DSCAML1: variants seen among roughly 807,000 people sequenced by gnomAD.
DSCAML1 encodes DS cell adhesion molecule like 1.
A neutral mutation model predicts 200.5 loss-of-function variants in DSCAML1; 38 were observed. That is an observed-to-expected ratio of 0.19 (90% CI 0.15 to 0.25). The LOEUF is 0.25. Ranked by LOEUF, DSCAML1 falls within the 10% of genes least tolerant of loss-of-function variation. DSCAML1 has a pLI of 1.00. For synonymous variants in DSCAML1, 1,215 were observed against 1,165.0 expected, an observed-to-expected ratio of 1.04 and a Z score of -0.87; for missense variants, 2,223 against 2,858.8, an observed-to-expected ratio of 0.78 and a Z score of 5.07.
chr11:117,741,064 TTATTTA>T (rs1258784698), intron 3 of DSCAML1, among the ~76,000 whole-genome samples: 3 of 152,390 alleles, frequency 2.0e-5, no homozygotes, highest in East Asian at 3.9e-4. Flanking sequence ...CTTTGTTTTC[TTATTTA>T]TAAATATCCC....
intron 8 of DSCAML1, among the ~76,000 whole-genome samples, chr11:117,515,223 C>G (rs956480919): frequency 6.6e-6 from 1 of 152,190 alleles, no homozygotes; most frequent in African/African-American, 2.4e-5. Context: ...TGGCTCTTCA[C>G]GAAGAGACAT....
intron 11 of DSCAML1, among the ~76,000 whole-genome samples, chr11:117,492,097 G>A (rs533052707): frequency 2.6e-4 from 39 of 152,220 alleles, no homozygotes; most frequent in African/African-American, 8.9e-4. Context: ...TCCATGGTGG[G>A]CCTGGCCGCC....
At chr11:117,607,265 A>C (rs1018878975) in intron 3 of DSCAML1, among the ~76,000 whole-genome samples, 1 of 152,198 alleles carries the variant, frequency 6.6e-6, no homozygotes, top group Admixed American at 6.5e-5. Context: ...TGGGCTGGAC[A>C]TGCTTGACAG....
chr11:117,540,157 G>T (rs960861703), intron 3 of DSCAML1, among the ~76,000 whole-genome samples: 5 of 152,186 alleles, frequency 3.3e-5, no homozygotes, highest in Admixed American at 3.3e-4. Context: ...TTAATGCAGG[G>T]GTTCCCAACC....
intron 1 of DSCAML1, among the ~76,000 whole-genome samples, chr11:117,792,830 C>T (rs1047958134): frequency 2.0e-5 from 3 of 152,196 alleles, no homozygotes; most frequent in African/African-American, 7.2e-5. Flanking sequence ...GTTTGGTCTA[C>T]CTTACGGTGT....
intron 3 of DSCAML1, among the ~76,000 whole-genome samples, chr11:117,693,428 C>A (rs1178777009): frequency 6.6e-6 from 1 of 152,196 alleles, no homozygotes; most frequent in Non-Finnish European, 1.5e-5. Context: ...GAAAAACATG[C>A]CTTCTGGGTT....
chr11:117,779,100 G>T (rs942272468), intron 2 of DSCAML1, among the ~76,000 whole-genome samples: 6 of 152,186 alleles, frequency 3.9e-5, no homozygotes, highest in African/African-American at 1.4e-4. Context: ...CCACATGCTG[G>T]TTGGGAGGCC....
chr11:117,494,445 T>G (rs1184187526), intron 11 of DSCAML1, among the ~76,000 whole-genome samples: 1 of 152,158 alleles, frequency 6.6e-6, no homozygotes, highest in Non-Finnish European at 1.5e-5. Flanking sequence ...AGACTTGACC[T>G]AGAGGGATTT....
At chr11:117,511,922 C>T (rs1166850856) in intron 8 of DSCAML1, among the ~76,000 whole-genome samples, 1 of 152,262 alleles carries the variant, frequency 6.6e-6, no homozygotes, top group African/African-American at 2.4e-5. Context: ...AGTGCTCACA[C>T]ACAGGTCTCT....
intron 3 of DSCAML1, among the ~76,000 whole-genome samples, chr11:117,591,043 C>T (rs1334075985): frequency 6.6e-6 from 1 of 151,944 alleles, no homozygotes; most frequent in Non-Finnish European, 1.5e-5. Flanking sequence ...ATATGAGGTT[C>T]ATTGTTCTAC....
At chr11:117,747,435 A>T (rs1246776915) in intron 3 of DSCAML1, among the ~76,000 whole-genome samples, 2 of 152,130 alleles carry the variant, frequency 1.3e-5, no homozygotes, top group Admixed American at 1.3e-4. Flanking sequence ...CAGTCAGTCA[A>T]TGAGCTCTCA....
intron 3 of DSCAML1, among the ~76,000 whole-genome samples, chr11:117,659,125 A>AG (rs1382321502): frequency 2.0e-5 from 3 of 152,202 alleles, no homozygotes; most frequent in Admixed American, 6.5e-5. Flanking sequence ...ATGGGATTTA[A>AG]GGTAAGCCAA....
intron 3 of DSCAML1, among the ~76,000 whole-genome samples, chr11:117,614,073 A>G (rs1025546955): frequency 6.6e-6 from 1 of 152,150 alleles, no homozygotes; most frequent in Non-Finnish European, 1.5e-5. Context: ...AAGGGGCTAC[A>G]GGGAAGAAAA....
intron 3 of DSCAML1, among the ~76,000 whole-genome samples, chr11:117,694,931 G>A (rs572679478): frequency 6.6e-6 from 1 of 152,238 alleles, no homozygotes; most frequent in Non-Finnish European, 1.5e-5. Context: ...CTGGAGCCAG[G>A]CTGTGCTGGC....
intron 3 of DSCAML1, among the ~76,000 whole-genome samples, chr11:117,767,698 C>A (rs75667934): frequency 2.0e-5 from 3 of 152,182 alleles, no homozygotes; most frequent in African/African-American, 7.2e-5. Flanking sequence ...CCTAGGACAG[C>A]GCTCTGCCTG....
At chr11:117,598,350 C>G (rs957911412) in intron 3 of DSCAML1, among the ~76,000 whole-genome samples, 1 of 152,182 alleles carries the variant, frequency 6.6e-6, no homozygotes, top group Non-Finnish European at 1.5e-5. Flanking sequence ...ACTTATTACC[C>G]CACTTAACTA....
rs202043735 is a variant in DSCAML1, at chr11:117,518,644, G to A, written c.1332C>T (p.Asp444=). The A allele has an allele frequency of 8.4e-5, 136 of 1,613,416 alleles. 1 individual carries two copies. The African/African-American group carries it at 1.1e-3, about 13-fold the overall frequency. The part of the protein sequence containing the change: ...APPPTVTWAL[D]DEPIVRDGSH... ...TGCCATCCCGCACGATGGGCTCATC[G>A]TCGAGGGCCCAGGTGACCGTGGGGG... Residue 444 remains aspartate (D), a synonymous_variant, in exon 7 of 33, where the codon GAC becomes GAT. Transcript: ENST00000651296. This position sits in a 1 kb window ranked among gnomAD's most constrained non-coding sequence, Gnocchi z 6.3.
Position 117,443,899 on chromosome 11 carries a change from C to T in DSCAML1, c.3849G>A (p.Glu1283=). 1 of 1,606,814 alleles carries T rather than the reference C, an allele frequency of 6.2e-7. No homozygotes were observed. Among genetic ancestry groups the T allele is most frequent in the South Asian group, 1.1e-5 (1 of 90,700 alleles). The change falls in exon 21 of 33, where the codon GAG becomes GAA. Residue 1283 remains glutamate (E), a synonymous_variant. Coordinates refer to ENST00000651296, the MANE Select transcript of DSCAML1 (RefSeq NM_020693.4). ...RGNSSEKVTI[E]PAGKAPAKII... ...CAGGCTTCTCACCCTTGCCAGCAGG[C>T]TCGATGGTCACCTTCTCGCTGCTGT...
At chr11:117,521,555 G>A (rs1308785059) in intron 5 of DSCAML1, 150 bp from the exon 6 acceptor site, 4 of 760,648 alleles carry the variant, frequency 5.3e-6, no homozygotes, top group Non-Finnish European at 8.3e-6. Flanking sequence ...CTGGGACTGG[G>A]GAATTCCTTA....
Sources: allele counts gnomAD v4.1 joint callset (sites outside exome capture counted in the v4.1 genomes callset), GRCh38; gene constraint gnomAD v4.1.1; non-coding constraint Gnocchi (gnomAD v3.1); transcripts MANE v1.5; gene names NCBI Gene and HGNC (gene_info 2026-07-23, HGNC 2026-07-21).